WIPF3: variants seen among roughly 807,000 people sequenced by gnomAD.
WIPF3 encodes WAS/WASL-interacting protein family member 3.
In WIPF3, 33 loss-of-function variants were observed where a neutral mutation model predicts 38.9. The observed-to-expected ratio is 0.85, with a 90% confidence interval of 0.64 to 1.14. The LOEUF (loss-of-function observed/expected upper bound fraction) is 1.14, where lower values mean the gene tolerates loss of function less well. Among genes scored for constraint, WIPF3 ranks in the 50% most tolerant of loss-of-function variants. The pLI is 0.00. For missense variants in WIPF3, 711 were observed against 652.5 expected, an observed-to-expected ratio of 1.09 and a Z score of -0.98; for synonymous variants, 324 against 269.3, an observed-to-expected ratio of 1.20 and a Z score of -1.99.
intron 1 of WIPF3, among the ~76,000 whole-genome samples, chr7:29,826,740 T>G (rs1409490317): frequency 2.0e-5 from 3 of 152,208 alleles, no homozygotes; most frequent in Non-Finnish European, 2.9e-5. Context: ...ACTGAAAGCA[T>G]GACTTGATTT....
At chr7:29,856,462 T>C (rs1208722702) in intron 2 of WIPF3, among the ~76,000 whole-genome samples, 1 of 152,000 alleles carries the variant, frequency 6.6e-6, no homozygotes, top group Non-Finnish European at 1.5e-5. Context: ...ATCTCATCTC[T>C]ACAAAAAATA....
At chr7:29,839,891 T>C (rs1301227027) in intron 2 of WIPF3, among the ~76,000 whole-genome samples, 1 of 152,220 alleles carries the variant, frequency 6.6e-6, no homozygotes, top group Non-Finnish European at 1.5e-5. Flanking sequence ...AGAATTCCAT[T>C]CTTCTCACTA....
At chr7:29,905,722 C>A (rs1163603970) in intron 8 of WIPF3, 1 of 152,126 alleles carries the variant, frequency 6.6e-6, no homozygotes, top group Non-Finnish European at 1.5e-5. Context: ...AAGAGATGGG[C>A]AGCCATTGTT....
At chr7:29,829,453 A>G (rs1315790306) in intron 1 of WIPF3, among the ~76,000 whole-genome samples, 2 of 151,852 alleles carry the variant, frequency 1.3e-5, no homozygotes, top group African/African-American at 4.8e-5. Flanking sequence ...TCCTGACCTC[A>G]AGTGATCCAC....
At chr7:29,880,386 A>G (rs1785690451) in intron 4 of WIPF3, among the ~76,000 whole-genome samples, 1 of 152,222 alleles carries the variant, frequency 6.6e-6, no homozygotes, top group South Asian at 2.1e-4. Flanking sequence ...GGATATTTTG[A>G]GATCCAACTT....
intron 5 of WIPF3, 108 bp downstream of exon 5, chr7:29,884,701 G>A: frequency 1.3e-5 from 18 of 1,422,638 alleles, no homozygotes; most frequent in East Asian, 5.3e-5. Flanking sequence ...GACACCAGGG[G>A]TGAGGGAGGC....
Position 29,823,911 on chromosome 7 carries a change from A to G in WIPF3, c.-57-10757A>G, listed in dbSNP as rs1013007836. Among the ~76,000 whole-genome samples, 2 of 152,160 alleles carry G rather than the reference A, an allele frequency of 1.3e-5. No homozygotes were observed. Among genetic ancestry groups the G allele is most frequent in the Non-Finnish European group, 2.9e-5 (2 of 68,024 alleles). ...GGCCTCCCCAGAAGCAGATGCCGTT[A>G]TGCTTCCTGTACAGCCTGCAGAACT... On this transcript the variant is annotated intron_variant, in intron 1 of 8. Coordinates refer to ENST00000242140, the MANE Select transcript of WIPF3 (RefSeq NM_001080529.3). This position sits in a 1 kb window ranked among gnomAD's most constrained non-coding sequence, Gnocchi z 4.0.
chr7:29,832,017 A>G (rs1562772830), intron 1 of WIPF3, among the ~76,000 whole-genome samples: 1 of 152,192 alleles, frequency 6.6e-6, no homozygotes, highest in African/African-American at 2.4e-5. Flanking sequence ...CAAAACCCTT[A>G]GGTAAGTGGT....
chr7:29,877,151 A>G (rs960421597), intron 3 of WIPF3, among the ~76,000 whole-genome samples: 1 of 152,226 alleles, frequency 6.6e-6, no homozygotes, highest in African/African-American at 2.4e-5. Context: ...CTGAAGGACA[A>G]GAGTAGCATA....
intron 2 of WIPF3, among the ~76,000 whole-genome samples, chr7:29,871,505 A>G (rs1381642313): frequency 6.6e-6 from 1 of 152,116 alleles, no homozygotes; most frequent in African/African-American, 2.4e-5. Context: ...GAGAGAAATG[A>G]CCCGCTAGAT....
In WIPF3 at chr7:29,852,949, C is replaced by T. The variant is rs569581611; in HGVS notation, c.90+18135C>T. 9.8e-5 allele frequency among the ~76,000 whole-genome samples: 15 copies of T among 152,318 alleles called. No individual in the cohort carries two copies. In the South Asian group the frequency reaches 2.9e-3, roughly 29 times the overall value. Reference sequence around the variant, plus strand: ...TGTGACAAATTAAAAAACATCTCCCCATAGAATATCACTGGATCTTTCAAC... The same window carrying T: ...TGTGACAAATTAAAAAACATCTCCCTATAGAATATCACTGGATCTTTCAAC... On this transcript the variant is annotated intron_variant, in intron 2 of 8. Coordinates refer to ENST00000242140, the MANE Select transcript of WIPF3 (RefSeq NM_001080529.3).
intron 2 of WIPF3, among the ~76,000 whole-genome samples, chr7:29,850,139 G>A (rs891314685): frequency 2.6e-5 from 4 of 152,194 alleles, no homozygotes; most frequent in African/African-American, 9.6e-5. Flanking sequence ...AAAGGAGCAT[G>A]TTTTTCCATG....
intron 2 of WIPF3, among the ~76,000 whole-genome samples, chr7:29,850,492 C>T (rs575631771): frequency 6.6e-6 from 1 of 152,356 alleles, no homozygotes; most frequent in South Asian, 2.1e-4. Context: ...TCCAGGGCCT[C>T]TCCCGAGCTG....
intron 7 of WIPF3, among the ~76,000 whole-genome samples, chr7:29,899,220 T>C (rs895186244): frequency 1.3e-5 from 2 of 152,164 alleles, no homozygotes; most frequent in African/African-American, 4.8e-5. Flanking sequence ...CACCTCCAAA[T>C]ACCATCATAC....
chr7:29,886,937 T>C (rs1223368872), intron 5 of WIPF3, among the ~76,000 whole-genome samples: 1 of 152,204 alleles, frequency 6.6e-6, no homozygotes, highest in East Asian at 1.9e-4. Context: ...CTGCAGTCCT[T>C]TTACTGCATG....
intron 2 of WIPF3, among the ~76,000 whole-genome samples, chr7:29,866,685 G>A (rs141837883): frequency 1.1e-4 from 17 of 152,320 alleles, no homozygotes; most frequent in African/African-American, 3.9e-4. Context: ...AGCTCCTTTG[G>A]CCCCAGCCTT....
chr7:29,914,471 A>C (rs920389577), intron 8 of WIPF3, 22 bp from the exon 9 acceptor site: 11 of 1,500,570 alleles, frequency 7.3e-6, no homozygotes, highest in Non-Finnish European at 8.9e-6. Context: ...CCACCTGGTA[A>C]TGTTCTGTTA....
intron 2 of WIPF3, among the ~76,000 whole-genome samples, chr7:29,857,396 A>G (rs905205075): frequency 3.9e-5 from 6 of 151,926 alleles, no homozygotes; most frequent in African/African-American, 1.5e-4. Flanking sequence ...TTATGCCCCA[A>G]CTCATTCCAC....
At chr7:29,845,777 CAGAG>C (rs1360610879) in intron 2 of WIPF3, among the ~76,000 whole-genome samples, 6 of 152,254 alleles carry the variant, frequency 3.9e-5, no homozygotes, top group Middle Eastern at 3.2e-3. Flanking sequence ...GATCTGAAGA[CAGAG>C]AGTCTGTGCC....
Sources: gnomAD v4.1 joint callset for allele counts (sites outside exome capture counted in the v4.1 genomes callset) on GRCh38, gnomAD v4.1.1 for gene constraint, Gnocchi (gnomAD v3.1) non-coding constraint, MANE v1.5 for transcripts, NCBI Gene and HGNC (gene_info 2026-07-23, HGNC 2026-07-21) for gene names.